Variants in ZBTB7C observed in about 807,000 individuals in gnomAD.
The protein encoded by ZBTB7C is zinc finger and BTB domain containing 7C.
ZBTB7C carries 8 observed loss-of-function variants against 25.7 expected under a neutral mutation model. The observed-to-expected ratio is 0.31, with a 90% CI of 0.18 to 0.56. The LOEUF is 0.56. Among genes scored for constraint, ZBTB7C ranks in the 20% least tolerant of loss-of-function variants. The probability of loss-of-function intolerance (pLI) is 0.91; values close to 1 mark genes in which losing one functional copy is unlikely to be tolerated. For missense variants in ZBTB7C, 824 were observed against 855.2 expected (o/e 0.96, Z 0.46); for synonymous variants, 394 against 369.0 (o/e 1.07, Z -0.78).
intron 1 of ZBTB7C, among the ~76,000 whole-genome samples, chr18:48,380,779 A>G (rs573208050): frequency 1.3e-5 from 2 of 152,246 alleles, no homozygotes; most frequent in East Asian, 1.9e-4. Context: ...TAATGATAAC[A>G]TACCAATATT....
At chr18:48,225,579 G>A (rs1202310002) in intron 2 of ZBTB7C, among the ~76,000 whole-genome samples, 7 of 152,076 alleles carry the variant, frequency 4.6e-5, no homozygotes, top group African/African-American at 1.7e-4. Flanking sequence ...CCCATGAGAT[G>A]GTAGCACTTA....
At chr18:48,126,817 C>T (rs1242860580) in intron 3 of ZBTB7C, among the ~76,000 whole-genome samples, 2 of 151,600 alleles carry the variant, frequency 1.3e-5, no homozygotes, top group Non-Finnish European at 2.9e-5. Flanking sequence ...TAAAGTCTTG[C>T]TGGCCTCAGG....
At chr18:48,107,972 C>T (rs535883954) in intron 3 of ZBTB7C, among the ~76,000 whole-genome samples, 1 of 152,318 alleles carries the variant, frequency 6.6e-6, no homozygotes, top group Admixed American at 6.5e-5. Context: ...AGCCAAATGA[C>T]ACCCTTTCTT....
intron 3 of ZBTB7C, among the ~76,000 whole-genome samples, chr18:48,102,379 C>T (rs183357108): frequency 1.1e-3 from 164 of 152,156 alleles, no homozygotes; most frequent in Non-Finnish European, 2.0e-3. Context: ...GCCTGGGCAA[C>T]ATAGCTAGAC....
chr18:48,130,832 C>T (rs973022386), intron 3 of ZBTB7C, among the ~76,000 whole-genome samples: 2 of 152,308 alleles, frequency 1.3e-5, no homozygotes, highest in Admixed American at 1.3e-4. Context: ...TCCAAGCACC[C>T]GGTGGCCTCC....
At chr18:48,335,521 G>A (rs746460974) in intron 2 of ZBTB7C, among the ~76,000 whole-genome samples, 3 of 152,164 alleles carry the variant, frequency 2.0e-5, no homozygotes, top group Non-Finnish European at 2.9e-5. Context: ...TCTAGAATAA[G>A]TGATTCAAGA....
chr18:48,304,749 G>A (rs1297718553), intron 2 of ZBTB7C, among the ~76,000 whole-genome samples: 1 of 149,624 alleles, frequency 6.7e-6, no homozygotes, highest in Non-Finnish European at 1.5e-5. Context: ...GCTGAGGAAG[G>A]AGAATCGCTT....
chr18:48,112,660 TTTTAAAAAAG>T (rs1268104531), intron 3 of ZBTB7C, among the ~76,000 whole-genome samples: 2 of 152,124 alleles, frequency 1.3e-5, no homozygotes, highest in Non-Finnish European at 2.9e-5. Flanking sequence ...ACTTTTACCG[TTTTAAAAAAG>T]TTTAAAATTA....
chr18:48,123,616 A>T (rs969834478), intron 3 of ZBTB7C, among the ~76,000 whole-genome samples: 24 of 152,188 alleles, frequency 1.6e-4, no homozygotes, highest in Admixed American at 3.3e-4. Flanking sequence ...CTCCTAACAA[A>T]CATCCTGCAT....
intron 2 of ZBTB7C, among the ~76,000 whole-genome samples, chr18:48,216,799 A>G (rs1322960496): frequency 1.3e-5 from 2 of 151,860 alleles, no homozygotes; most frequent in Non-Finnish European, 2.9e-5. Context: ...GACCCTCATC[A>G]TTTGTTGTGG....
At chr18:48,083,386 TATTCCTTCATC>T in intron 3 of ZBTB7C, among the ~76,000 whole-genome samples, 1 of 152,124 alleles carries the variant, frequency 6.6e-6, no homozygotes, top group Non-Finnish European at 1.5e-5. Context: ...CCCTCCACAG[TATTCCTTCATC>T]TCTCTTTCTC....
chr18:48,157,577 G>A (rs1013140231), intron 3 of ZBTB7C, among the ~76,000 whole-genome samples: 1 of 152,114 alleles, frequency 6.6e-6, no homozygotes. Flanking sequence ...TGTCAAAATG[G>A]CAAGAACCTG....
At chr18:48,205,590 C>G (rs764721525) in intron 2 of ZBTB7C, among the ~76,000 whole-genome samples, 18 of 151,856 alleles carry the variant, frequency 1.2e-4, no homozygotes, top group Non-Finnish European at 1.9e-4. Flanking sequence ...GAACATAGTA[C>G]TTCCATTTCT....
In ZBTB7C at chr18:48,333,500, G is replaced by A. The variant is rs542456616; in HGVS notation, c.-79+4674C>T. On this transcript the variant is annotated intron_variant, in intron 2 of 4. Coordinates refer to ENST00000590800, the MANE Select transcript of ZBTB7C (RefSeq NM_001318841.2). ...AATAGAGGAGAACATTAAGGTCTGG[G>A]GAACTTAAAAGAACTGCACTGGGTC... Among the ~76,000 whole-genome samples, 4 of 152,162 alleles carry A rather than the reference G, an allele frequency of 2.6e-5. No homozygotes were observed. The South Asian group carries it at 8.3e-4, about 32-fold the overall frequency.
chr18:48,073,027 A>C (rs887493112), intron 3 of ZBTB7C, among the ~76,000 whole-genome samples: 3 of 152,230 alleles, frequency 2.0e-5, no homozygotes, highest in African/African-American at 7.2e-5. Context: ...ATTTAACAGC[A>C]CATGCTGGGC....
chr18:48,211,200 C>A (rs2042694171), intron 2 of ZBTB7C, among the ~76,000 whole-genome samples: 3 of 152,066 alleles, frequency 2.0e-5, no homozygotes, highest in Non-Finnish European at 4.4e-5. Context: ...ATGGGTGAAT[C>A]ATAGACCTAA....
At chr18:48,115,732 T>C (rs564705250) in intron 3 of ZBTB7C, among the ~76,000 whole-genome samples, 1 of 152,118 alleles carries the variant, frequency 6.6e-6, no homozygotes, top group South Asian at 2.1e-4. Context: ...TATCTAGGAG[T>C]GAAATATACA....
intron 3 of ZBTB7C, among the ~76,000 whole-genome samples, chr18:48,110,251 C>T (rs973387876): frequency 2.0e-5 from 3 of 152,148 alleles, no homozygotes; most frequent in Non-Finnish European, 2.9e-5. Context: ...CCGAGGGTGG[C>T]ACACCCTCAG....
rs886671334 is a variant in ZBTB7C, at chr18:48,323,135, T to G, written c.-79+15039A>C. Among the ~76,000 whole-genome samples the G allele has an allele frequency of 7.9e-5, 12 of 152,064 alleles. 1 individual carries two copies. Among genetic ancestry groups the G allele is most frequent in the Admixed American group, 6.6e-4 (10 of 15,260 alleles). ...GCACCAACATCTCACAAATCACCAC[T>G]AAGGAACATACTTATTTAACCAACC... On this transcript the variant is annotated intron_variant, in intron 2 of 4. Transcript: ENST00000590800.
Sources: gnomAD v4.1 joint callset for allele counts (sites outside exome capture counted in the v4.1 genomes callset) on GRCh38, gnomAD v4.1.1 for gene constraint, MANE v1.5 for transcripts, NCBI Gene and HGNC (gene_info 2026-07-23, HGNC 2026-07-21) for gene names.